Variants in SLC8A3 observed in about 807,000 individuals in gnomAD.
SLC8A3 encodes the protein solute carrier family 8 member A3.
SLC8A3 carries 37 observed loss-of-function variants against 65.4 expected under a neutral mutation model. That is an observed-to-expected ratio of 0.57 (90% confidence interval 0.44 to 0.74). The LOEUF (loss-of-function observed/expected upper bound fraction) is 0.74. SLC8A3 is among the 30% of genes least tolerant of loss of function. SLC8A3 has a pLI of 0.00. For synonymous variants in SLC8A3, 461 were observed against 444.5 expected (o/e 1.04, Z -0.47); for missense variants, 1,112 against 1,172.1 (o/e 0.95, Z 0.75).
chr14:70,085,336 T>C (rs2140025849), intron 2 of SLC8A3, among the ~76,000 whole-genome samples: 1 of 152,322 alleles, frequency 6.6e-6, no homozygotes, highest in South Asian at 2.1e-4. Flanking sequence ...AAAAAACACA[T>C]ACAATCAGAT....
intron 2 of SLC8A3, among the ~76,000 whole-genome samples, chr14:70,126,807 C>T (rs1778717647): frequency 6.6e-6 from 1 of 151,776 alleles, no homozygotes; most frequent in Admixed American, 6.6e-5. Flanking sequence ...TTTTTGAGTG[C>T]CAATATGACA....
rs1413740236 is a variant in SLC8A3 at position 70,051,091 on chromosome 14, A to G, written c.2030T>C (p.Leu677Pro). Residue 677 changes from leucine (L) to proline (P), a missense_variant, in exon 5 of 7, where the codon CTG becomes CCG. By Grantham distance (98) the Leu-to-Pro change is moderately conservative (BLOSUM62 -3). Coordinates refer to ENST00000356921, the MANE Select transcript of SLC8A3 (RefSeq NM_182932.3). The stretch of plus-strand genomic sequence containing the variant: ...CAAGGCCAGGTTTGTCTTCTTGATC[A>G]GTTTGTCCACCGTAGTCTGTTAAGA... ...SYEFKTTVDK[L>P]IKKTNLALVV... The G allele has an allele frequency of 6.2e-7, 1 of 1,613,006 alleles. No individual in the cohort carries two copies. The highest frequency in any genetic ancestry group is 8.5e-7 in the Non-Finnish European group (1 of 1,179,058).
At chr14:70,120,144 T>C (rs1315886290) in intron 2 of SLC8A3, among the ~76,000 whole-genome samples, 1 of 152,182 alleles carries the variant, frequency 6.6e-6, no homozygotes, top group Non-Finnish European at 1.5e-5. Flanking sequence ...ATCCCCAAGT[T>C]GTGGCTTAGA....
intron 2 of SLC8A3, among the ~76,000 whole-genome samples, chr14:70,121,321 C>T (rs1186241180): frequency 6.6e-6 from 1 of 152,146 alleles, no homozygotes; most frequent in African/African-American, 2.4e-5. Flanking sequence ...ATGGAGGAGC[C>T]AGGTGATTGT....
chr14:70,174,610 C>T (rs557792538), intron 1 of SLC8A3, among the ~76,000 whole-genome samples: 7 of 145,632 alleles, frequency 4.8e-5, no homozygotes, highest in African/African-American at 1.5e-4. Context: ...CAAGGAGAGC[C>T]TACATTCTGG....
At chr14:70,120,437 T>G (rs1274479182) in intron 2 of SLC8A3, among the ~76,000 whole-genome samples, 2 of 152,148 alleles carry the variant, frequency 1.3e-5, no homozygotes, top group African/African-American at 4.8e-5. Context: ...CCACTTACAT[T>G]CTGCTAATAA....
In SLC8A3 at chr14:70,047,781, AAGTTCAG is replaced by A. The variant is rs1440695727; in HGVS notation, c.2389+979_2389+985del. 3.9e-5 allele frequency: 6 copies of A among 152,404 alleles called. No individual in the cohort carries two copies. In the South Asian group the frequency reaches 1.0e-3, roughly 26 times the overall value. 9.4% of individuals were successfully genotyped at this position (152,404 alleles called of 1,614,324 possible). A position where few individuals can be genotyped will look rare whatever the true frequency, so the allele number is the denominator to read the frequency against. ...AACTGGGATGCCAGCTCCCTGGCAG[AAGTTCAG>A]AGTTCAGAGGCCCCAAAGCCCCTAA... On this transcript the variant is annotated intron_variant, in intron 6 of 6. Transcript: ENST00000356921.
At chr14:70,090,102 A>G (rs561252690) in intron 2 of SLC8A3, among the ~76,000 whole-genome samples, 1 of 151,924 alleles carries the variant, frequency 6.6e-6, no homozygotes, top group East Asian at 1.9e-4. Context: ...CAATCAAGCC[A>G]TTGTGACTTT....
intron 2 of SLC8A3, among the ~76,000 whole-genome samples, chr14:70,114,696 C>G (rs541922467): frequency 6.6e-6 from 1 of 152,238 alleles, no homozygotes; most frequent in East Asian, 1.9e-4. Context: ...ATTATATAAC[C>G]CTTCAACTAA....
intron 2 of SLC8A3, among the ~76,000 whole-genome samples, chr14:70,072,036 T>C (rs1409568476): frequency 6.6e-6 from 1 of 152,238 alleles, no homozygotes; most frequent in African/African-American, 2.4e-5. Flanking sequence ...ACTGAGGATG[T>C]GGCTTCCCCT....
At chr14:70,111,306 C>G (rs1376736009) in intron 2 of SLC8A3, among the ~76,000 whole-genome samples, 1 of 152,194 alleles carries the variant, frequency 6.6e-6, no homozygotes, top group Non-Finnish European at 1.5e-5. Context: ...GCTGCCATGA[C>G]AGTCCACAAA....
chr14:70,163,072 T>C (rs971338580), intron 2 of SLC8A3, among the ~76,000 whole-genome samples: 1 of 152,240 alleles, frequency 6.6e-6, no homozygotes, highest in East Asian at 1.9e-4. Flanking sequence ...GCTTGTCTTA[T>C]TCACTTATTT....
intron 3 of SLC8A3, chr14:70,055,862 C>T (rs1474468908): frequency 1.3e-6 from 2 of 1,548,840 alleles, no homozygotes; most frequent in Admixed American, 3.5e-5. Flanking sequence ...AAGGAAAGAG[C>T]ATTAATGTCC....
At position 70,167,131 on chromosome 14, in the gene SLC8A3, A is replaced by G; in HGVS notation, c.1292T>C (p.Val431Ala). The stretch of plus-strand genomic sequence containing the variant: ...AGAACCATCCTCTGTTTTGTAGTCC[A>G]CATACATGGTCTTTGACATGTCTCC... ...KGGDMSKTMY[V>A]DYKTEDGSAN... The change falls in exon 2 of 7, where the codon GTG becomes GCG. Residue 431 changes from valine (V) to alanine (A), a missense_variant. Transcript: ENST00000356921. 6.2e-7 allele frequency: 1 copy of G among 1,614,174 alleles called. No individual in the cohort carries two copies. Among genetic ancestry groups the G allele is most frequent in the South Asian group, 1.1e-5 (1 of 91,082 alleles).
chr14:70,081,987 TG>T (rs1310432911), intron 2 of SLC8A3, among the ~76,000 whole-genome samples: 15 of 152,224 alleles, frequency 9.9e-5, no homozygotes, highest in Non-Finnish European at 2.1e-4. Context: ...GCAAACACTG[TG>T]CTTTACATAC....
intron 2 of SLC8A3, among the ~76,000 whole-genome samples, chr14:70,119,493 C>G (rs1893897573): frequency 6.6e-6 from 1 of 152,140 alleles, no homozygotes; most frequent in African/African-American, 2.4e-5. Context: ...CAGGTGACAT[C>G]AGATTTTATC....
In SLC8A3 at chr14:70,063,265, T is replaced by C. The variant is rs139880070; in HGVS notation, c.1785-2326A>G. ...CAGGAGGAGAAACAAGTCTTGATAG[T>C]AGCAACATGGCAGATAAGGTGGCTC... On this transcript the variant is annotated intron_variant, in intron 2 of 6. Coordinates refer to ENST00000356921, the MANE Select transcript of SLC8A3 (RefSeq NM_182932.3). Among the ~76,000 whole-genome samples, 34 of 152,324 alleles carry C rather than the reference T, an allele frequency of 2.2e-4. No individual in the cohort carries two copies. In the East Asian group the frequency reaches 6.5e-3, roughly 29 times the overall value.
At chr14:70,060,789 T>C in intron 3 of SLC8A3, 47 bp downstream of exon 3, 1 of 1,037,728 alleles carries the variant, frequency 9.6e-7, no homozygotes, top group Non-Finnish European at 1.5e-6. Context: ...TTTGTTTTAA[T>C]TTTTCTTTCT....
At chr14:70,149,508 T>C (rs1217066081) in intron 2 of SLC8A3, among the ~76,000 whole-genome samples, 1 of 152,184 alleles carries the variant, frequency 6.6e-6, no homozygotes, top group Admixed American at 6.5e-5. Context: ...CTGTAATTGT[T>C]CTGTTTAAGC....
Sources: allele counts gnomAD v4.1 joint callset (sites outside exome capture counted in the v4.1 genomes callset), GRCh38; gene constraint gnomAD v4.1.1; transcripts MANE v1.5; gene names NCBI Gene and HGNC (gene_info 2026-07-23, HGNC 2026-07-21).